PDE1C: variants seen among roughly 807,000 people sequenced by gnomAD.
The protein encoded by PDE1C is phosphodiesterase 1C, also known as dual specificity calcium/calmodulin-dependent 3',5'-cyclic nucleotide phosphodiesterase 1C.
A neutral mutation model predicts 93.1 loss-of-function variants in PDE1C; 62 were observed. That is an observed-to-expected ratio of 0.67 (90% CI 0.54 to 0.82). The LOEUF (loss-of-function observed/expected upper bound fraction) is 0.82. Among genes scored for constraint, PDE1C ranks in the 40% least tolerant of loss-of-function variants. PDE1C has a pLI of 0.00. For missense variants in PDE1C, 742 were observed against 884.6 expected (o/e 0.84, Z 2.04); for synonymous variants, 325 against 310.1 (o/e 1.05, Z -0.50).
chr7:32,036,446 A>T, intron 2 of PDE1C, among the ~76,000 whole-genome samples: 1 of 152,206 alleles, frequency 6.6e-6, no homozygotes, highest in East Asian at 1.9e-4. Context: ...ATTAAACCCA[A>T]AGTAAGTAGA....
At chr7:31,948,883 T>C (rs1806981977) in intron 2 of PDE1C, among the ~76,000 whole-genome samples, 1 of 152,200 alleles carries the variant, frequency 6.6e-6, no homozygotes. Context: ...CTAAAGGCAG[T>C]GAACTAAAAG....
the PDE1C span, among the ~76,000 whole-genome samples, chr7:31,741,520 A>G: frequency 3.3e-5 from 5 of 152,114 alleles, no homozygotes; most frequent in African/African-American, 1.2e-4. Context: ...ATTTCATTCT[A>G]CTATGTTTTA....
intron 17 of PDE1C, among the ~76,000 whole-genome samples, chr7:31,774,560 C>T (rs562792669): frequency 3.1e-4 from 47 of 152,258 alleles, no homozygotes; most frequent in African/African-American, 9.9e-4. Context: ...CTTACAGACT[C>T]AGAAGACTTA....
chr7:31,642,586 G>T, the PDE1C span: 1 of 1,111,510 alleles, frequency 9.0e-7, no homozygotes, highest in Admixed American at 2.7e-5. Context: ...CTTATCTCCT[G>T]ACTCCTAAGG....
intron 1 of PDE1C, among the ~76,000 whole-genome samples, chr7:32,388,977 C>T (rs924914616): frequency 2.0e-5 from 3 of 152,064 alleles, no homozygotes; most frequent in African/African-American, 7.2e-5. Flanking sequence ...TAAATCCTAA[C>T]CAGAATGAAC....
intron 1 of PDE1C, among the ~76,000 whole-genome samples, chr7:32,291,823 G>T (rs1812344855): frequency 6.6e-6 from 1 of 152,148 alleles, no homozygotes; most frequent in Admixed American, 6.5e-5. Context: ...TTCCGGGAGG[G>T]GCAGGAATCG....
intron 17 of PDE1C, among the ~76,000 whole-genome samples, chr7:31,757,347 T>C (rs1044403857): frequency 6.6e-6 from 1 of 152,222 alleles, no homozygotes; most frequent in Non-Finnish European, 1.5e-5. Flanking sequence ...TTTCTAATTT[T>C]TCTATGATGA....
At chr7:32,104,722 T>C (rs1798211943) in intron 3 of PDE1C, among the ~76,000 whole-genome samples, 1 of 152,218 alleles carries the variant, frequency 6.6e-6, no homozygotes, top group Non-Finnish European at 1.5e-5. Flanking sequence ...CAATGGATTA[T>C]GTCTAAACTA....
intron 2 of PDE1C, among the ~76,000 whole-genome samples, chr7:31,921,204 A>G (rs1802580239): frequency 6.6e-6 from 1 of 152,188 alleles, no homozygotes; most frequent in Non-Finnish European, 1.5e-5. Context: ...TCTAGATGTG[A>G]CTTAGTTTCC....
intron 1 of PDE1C, among the ~76,000 whole-genome samples, chr7:32,389,157 C>CGTGTGTGTGTGTGT (rs575896243): frequency 0.033 from 4,530 of 135,366 alleles, 132 homozygotes; most frequent in African/African-American, 0.047. Context: ...TGATAGCTGA[C>CGTGTGTGTGTGTGT]GTGTGTGTGT....
chr7:32,185,029 T>C (rs1358706893), intron 2 of PDE1C, among the ~76,000 whole-genome samples: 1 of 151,852 alleles, frequency 6.6e-6, no homozygotes, highest in East Asian at 1.9e-4. Context: ...GATAAGCTCT[T>C]GAACCCGGGA....
At chr7:31,798,114 A>G (rs549208105) in intron 16 of PDE1C, among the ~76,000 whole-genome samples, 2 of 151,936 alleles carry the variant, frequency 1.3e-5, no homozygotes, top group South Asian at 4.1e-4. Flanking sequence ...CTTTCCAAGT[A>G]AGTTTTCCTT....
chr7:31,649,278 A>G, the PDE1C span, among the ~76,000 whole-genome samples: 1 of 152,228 alleles, frequency 6.6e-6, no homozygotes, highest in African/African-American at 2.4e-5. Context: ...GATGTTGGCC[A>G]TGTAGTTTAG....
intron 17 of PDE1C, among the ~76,000 whole-genome samples, chr7:31,760,554 T>G (rs533083029): frequency 6.6e-6 from 1 of 152,256 alleles, no homozygotes; most frequent in South Asian, 2.1e-4. Context: ...AGGTGGAGGT[T>G]TTCTGAACCT....
At chr7:32,341,173 C>CTATTTTTTATTTTTTTTTTTTTTTTT (rs796122014) in intron 1 of PDE1C, among the ~76,000 whole-genome samples, 16 of 84,958 alleles carry the variant, frequency 1.9e-4, no homozygotes, top group South Asian at 6.0e-4. Flanking sequence ...GAAATAAAGT[C>CTATTTTTTATTTTTTTTTTTTTTTTT]TTTTTTTTTT....
rs1784365732 is a variant in PDE1C at position 31,789,642 on chromosome 7, G to T, written c.1892-13910C>A. ...AAAACAAACAGAATTCTGTATTACAGAAGTGGGAAAAAAAGCATAAGAACA... is the reference window on the plus strand; with the variant it reads ...AAAACAAACAGAATTCTGTATTACATAAGTGGGAAAAAAAGCATAAGAACA... On this transcript the variant is annotated intron_variant, in intron 16 of 17. Coordinates refer to ENST00000396191, the MANE Select transcript of PDE1C (RefSeq NM_001191057.4). The T allele has an allele frequency of 3.1e-6, 3 of 963,906 alleles. No homozygotes were observed. In the Admixed American group the frequency reaches 1.8e-4, roughly 59 times the overall value. 59.7% of individuals were successfully genotyped at this position (963,906 alleles called of 1,614,324 possible).
intron 16 of PDE1C, among the ~76,000 whole-genome samples, chr7:31,776,653 T>G (rs189005890): frequency 6.6e-6 from 1 of 152,018 alleles, no homozygotes; most frequent in African/African-American, 2.4e-5. Flanking sequence ...GACACATATA[T>G]GGACACATAT....
rs373940430 is a variant in PDE1C, at chr7:32,297,984, TC to T, written c.85+666del. On this transcript the variant is annotated intron_variant, in intron 1 of 18. Transcript: ENST00000396193. ...CTCTCTCTCTCTCTCTCTCTCTCTCTCTCTCTCTCTCTCCTCTCTCTCTCTC... is the reference window on the plus strand; with the variant it reads ...CTCTCTCTCTCTCTCTCTCTCTCTCTTCTCTCTCTCTCCTCTCTCTCTCTC... Among the ~76,000 whole-genome samples, 566 of 75,832 alleles carry T rather than the reference TC, an allele frequency of 7.5e-3. 5 individuals carry two copies. Among genetic ancestry groups the T allele is most frequent in the East Asian group, 0.019 (38 of 1,996 alleles). The allele number at this position is 75,832 out of a possible 152,430, so 49.7% of individuals were successfully genotyped here.
At chr7:32,186,087 G>GTTTT (rs10561469) in intron 2 of PDE1C, among the ~76,000 whole-genome samples, 14 of 128,606 alleles carry the variant, frequency 1.1e-4, no homozygotes, top group South Asian at 5.1e-4. Flanking sequence ...TTGTTTTTTT[G>GTTTT]TTTTTTTTTT....
Sources: gnomAD v4.1 joint callset for allele counts (sites outside exome capture counted in the v4.1 genomes callset) on GRCh38, gnomAD v4.1.1 for gene constraint, MANE v1.5 for transcripts, NCBI Gene and HGNC (gene_info 2026-07-23, HGNC 2026-07-21) for gene names.